The following FBXL20 variants were observed in gnomAD, a reference collection of about 807,000 sequenced individuals.
FBXL20 encodes the protein F-box and leucine rich repeat protein 20.
A neutral mutation model predicts 64.0 loss-of-function variants in FBXL20; 11 were observed. The ratio of observed to expected loss-of-function variants is 0.17; its 90% CI spans 0.11 to 0.28. The LOEUF (loss-of-function observed/expected upper bound fraction) is 0.28. Ranked by LOEUF, FBXL20 falls within the 10% of genes least tolerant of loss-of-function variation. The pLI, the probability that FBXL20 is intolerant of heterozygous loss-of-function variation, is 1.00. For missense variants in FBXL20, 303 were observed against 526.2 expected (o/e 0.58, Z 4.15); for synonymous variants, 184 against 189.0 (o/e 0.97, Z 0.22).
At chr17:39,342,435 GCTGGGCACCGTGGCT>G in intron 2 of FBXL20, among the ~76,000 whole-genome samples, 1 of 151,956 alleles carries the variant, frequency 6.6e-6, no homozygotes, top group Non-Finnish European at 1.5e-5. Context: ...AAAAATTGGG[GCTGGGCACCGTGGCT>G]CACGCCTGTA....
chr17:39,317,591 A>C (rs1440567041), intron 2 of FBXL20, among the ~76,000 whole-genome samples: 1 of 151,962 alleles, frequency 6.6e-6, no homozygotes. Flanking sequence ...ATTATAAAGA[A>C]GGAAAAAAAA....
At chr17:39,300,433 T>G (rs1441033077) in intron 4 of FBXL20, among the ~76,000 whole-genome samples, 1 of 152,122 alleles carries the variant, frequency 6.6e-6, no homozygotes, top group African/African-American at 2.4e-5. Flanking sequence ...TTAAAATAAT[T>G]TAAGTGTAAG....
chr17:39,379,185 T>C (rs1031725810), intron 1 of FBXL20, among the ~76,000 whole-genome samples: 1 of 149,892 alleles, frequency 6.7e-6, no homozygotes, highest in African/African-American at 2.4e-5. Flanking sequence ...GACTCCAGCC[T>C]GGGCAAGAAG....
Position 39,312,568 on chromosome 17 carries a change from C to CTTT in FBXL20, c.105-8932_105-8930dup, listed in dbSNP as rs750605079. On this transcript the variant is annotated intron_variant, in intron 2 of 14. Transcript: ENST00000264658. ...TATTTAGCAACCCTTTAAATTCTAT[C>CTTT]TTTTTTTTTTTTTTTTTTTTTTTGA... Among the ~76,000 whole-genome samples, 46 of 91,722 alleles carry CTTT rather than the reference C, an allele frequency of 5.0e-4. 1 individual carries two copies. The highest frequency in any genetic ancestry group is 9.7e-4 in the African/African-American group (17 of 17,490). The allele number at this position is 91,722 out of a possible 152,430, so 60.2% of individuals were successfully genotyped here. A position where few individuals can be genotyped will look rare whatever the true frequency, so the allele number is the denominator to read the frequency against.
intron 10 of FBXL20, among the ~76,000 whole-genome samples, chr17:39,271,506 G>A (rs977027406): frequency 1.5e-4 from 23 of 150,158 alleles, no homozygotes; most frequent in Non-Finnish European, 2.9e-4. Context: ...GCTGAGGCAG[G>A]AGAATCGCTT....
chr17:39,363,834 CA>C (rs113673962), intron 1 of FBXL20, among the ~76,000 whole-genome samples: 9 of 59,380 alleles, frequency 1.5e-4, no homozygotes, highest in South Asian at 1.3e-3. Context: ...AAACAAAAAA[CA>C]AAAAAAAAAA....
chr17:39,361,689 C>T (rs772132054), intron 1 of FBXL20, among the ~76,000 whole-genome samples: 2 of 151,792 alleles, frequency 1.3e-5, no homozygotes, highest in South Asian at 4.2e-4. Context: ...CCCAGCTACT[C>T]GGGAGGCTGA....
At chr17:39,278,434 G>C (rs1334530185) in intron 9 of FBXL20, among the ~76,000 whole-genome samples, 8 of 151,122 alleles carry the variant, frequency 5.3e-5, no homozygotes, top group Non-Finnish European at 7.4e-5. Flanking sequence ...GCACGCGCGT[G>C]TGTGCACACA....
At chr17:39,288,129 A>G (rs1200756491) in intron 6 of FBXL20, among the ~76,000 whole-genome samples, 1 of 151,794 alleles carries the variant, frequency 6.6e-6, no homozygotes, top group East Asian at 1.9e-4. Context: ...ACACCCAGCT[A>G]ATTTTTTTTG....
rs1380911987 is a variant in FBXL20, at chr17:39,253,487, A to G, written c.*7973T>C. 6.6e-6 allele frequency: 1 copy of G among 152,344 alleles called. No individual in the cohort carries two copies. The highest frequency in any genetic ancestry group is 2.4e-5 in the African/African-American group (1 of 41,438). 9.4% of individuals were successfully genotyped at this position (152,344 alleles called of 1,614,324 possible). On this transcript the variant is annotated 3_prime_UTR_variant, in exon 15 of 15. Transcript: ENST00000264658. The stretch of plus-strand genomic sequence containing the variant: ...GAAGGCCGCTCTCCTCTTACAGTCA[A>G]CCTTTGGAGTGGGTAGTCACAGATA...
At chr17:39,378,547 T>C (rs748181392) in intron 1 of FBXL20, among the ~76,000 whole-genome samples, 3 of 151,676 alleles carry the variant, frequency 2.0e-5, no homozygotes, top group Non-Finnish European at 4.4e-5. Context: ...CATCATTCAT[T>C]AGACAATTAC....
intron 6 of FBXL20, among the ~76,000 whole-genome samples, chr17:39,289,759 C>T (rs2047020518): frequency 6.6e-6 from 1 of 151,948 alleles, no homozygotes; most frequent in African/African-American, 2.4e-5. Context: ...CTTTGGGAGG[C>T]CGAGGCAGGC....
chr17:39,374,324 T>C (rs2047946615), intron 1 of FBXL20, among the ~76,000 whole-genome samples: 1 of 151,222 alleles, frequency 6.6e-6, no homozygotes, highest in Non-Finnish European at 1.5e-5. Flanking sequence ...AGGTTGGGAG[T>C]TTGAAACCAG....
chr17:39,292,298 A>G (rs1436280685), intron 6 of FBXL20, among the ~76,000 whole-genome samples: 1 of 150,536 alleles, frequency 6.6e-6, no homozygotes, highest in Non-Finnish European at 1.5e-5. Context: ...AGTATTTATA[A>G]TAGTATGTAT....
intron 1 of FBXL20, among the ~76,000 whole-genome samples, chr17:39,398,255 G>C (rs559876779): frequency 1.2e-3 from 184 of 152,178 alleles, no homozygotes; most frequent in Admixed American, 3.0e-3. Context: ...ACTCCAGCCT[G>C]GGGACAAGGG....
chr17:39,385,374 GAAGA>G (rs934061637), intron 1 of FBXL20, among the ~76,000 whole-genome samples: 5 of 152,174 alleles, frequency 3.3e-5, no homozygotes, highest in South Asian at 2.1e-4. Flanking sequence ...GAGGTGGGGA[GAAGA>G]AAGACTTACT....
upstream of FBXL20, chr17:39,402,369 G>T (rs62075011): frequency 0.024 from 11,389 of 476,642 alleles, 203 homozygotes; most frequent in Non-Finnish European, 0.031. Flanking sequence ...GCCGGGGCCG[G>T]ACGCTTGTCT....
intron 1 of FBXL20, among the ~76,000 whole-genome samples, chr17:39,355,806 G>C (rs940071815): frequency 7.5e-6 from 1 of 133,768 alleles, no homozygotes; most frequent in Admixed American, 8.4e-5. Flanking sequence ...AGTGAGCTGA[G>C]ATTGTGCCAT....
At chr17:39,339,746 C>T (rs1175284148) in intron 2 of FBXL20, among the ~76,000 whole-genome samples, 4 of 151,712 alleles carry the variant, frequency 2.6e-5, no homozygotes, top group Non-Finnish European at 5.9e-5. Flanking sequence ...CTGCAGGGTT[C>T]GATTCCCCTG....
Sources: allele counts gnomAD v4.1 joint callset (sites outside exome capture counted in the v4.1 genomes callset), GRCh38; gene constraint gnomAD v4.1.1; transcripts MANE v1.5; gene names NCBI Gene and HGNC (gene_info 2026-07-23, HGNC 2026-07-21).